Variants in MPZL1 observed in about 807,000 individuals in gnomAD.
The protein encoded by MPZL1 is myelin protein zero-like protein 1.
MPZL1 carries 16 observed loss-of-function variants against 29.3 expected under a neutral mutation model. That is an observed-to-expected ratio of 0.55 (90% CI 0.37 to 0.83). The LOEUF is 0.83. Ranked by LOEUF, MPZL1 falls within the 40% of genes least tolerant of loss-of-function variation. The pLI, the probability that MPZL1 is intolerant of heterozygous loss-of-function variation, is 0.00. For synonymous variants in MPZL1, 143 were observed against 132.0 expected (o/e 1.08, Z -0.57); for missense variants, 279 against 332.9 (o/e 0.84, Z 1.26).
At chr1:167,783,050 C>G (rs373063739) in intron 5 of MPZL1, among the ~76,000 whole-genome samples, 1 of 152,132 alleles carries the variant, frequency 6.6e-6, no homozygotes, top group Non-Finnish European at 1.5e-5. Flanking sequence ...AACTTGATTG[C>G]GAATCTGGTG....
intron 1 of MPZL1, among the ~76,000 whole-genome samples, chr1:167,746,112 C>T (rs1029797653): frequency 5.9e-5 from 9 of 151,894 alleles, no homozygotes; most frequent in African/African-American, 9.7e-5. Flanking sequence ...GATTAGACCA[C>T]GAGTTAGGGG....
At chr1:167,781,305 T>C (rs1419040139) in intron 5 of MPZL1, among the ~76,000 whole-genome samples, 2 of 152,170 alleles carry the variant, frequency 1.3e-5, no homozygotes, top group Non-Finnish European at 2.9e-5. Flanking sequence ...TTCTTACTCT[T>C]TTTAAGTACA....
chr1:167,765,817 A>T lies in MPZL1; in HGVS notation c.258+68A>T, dbSNP rs867392999. On this transcript the variant is annotated intron_variant, in intron 2 of 5. Coordinates refer to ENST00000359523, the MANE Select transcript of MPZL1 (RefSeq NM_003953.6). ...TTTCTTTACTGCTGTATAATTGGTG[A>T]TCCATTTTTCTGATGGTTCATTTCC... 4.0e-5 allele frequency: 56 copies of T among 1,388,856 alleles called. No homozygotes were observed. In the African/African-American group the frequency reaches 6.8e-4, roughly 17 times the overall value. 86.0% of individuals were successfully genotyped at this position (1,388,856 alleles called of 1,614,324 possible).
intron 5 of MPZL1, among the ~76,000 whole-genome samples, chr1:167,777,830 C>T (rs145761009): frequency 0.013 from 1,974 of 152,200 alleles, 18 homozygotes; most frequent in Middle Eastern, 0.02. Flanking sequence ...AATGGTCATA[C>T]CTAAATGGGT....
intron 5 of MPZL1, among the ~76,000 whole-genome samples, chr1:167,784,054 C>G (rs1283754396): frequency 6.6e-6 from 1 of 152,144 alleles, no homozygotes; most frequent in Non-Finnish European, 1.5e-5. Context: ...GACTCCTGAG[C>G]AGTTAATTTG....
intron 1 of MPZL1, among the ~76,000 whole-genome samples, chr1:167,750,397 T>C (rs1258308702): frequency 6.6e-6 from 1 of 152,180 alleles, no homozygotes; most frequent in Non-Finnish European, 1.5e-5. Flanking sequence ...AGACAGGGTT[T>C]CATCATATTG....
chr1:167,744,384 C>A (rs1306886566), intron 1 of MPZL1, among the ~76,000 whole-genome samples: 1 of 151,874 alleles, frequency 6.6e-6, no homozygotes, highest in Non-Finnish European at 1.5e-5. Context: ...TCTAAGTGTT[C>A]TTTAAAAACC....
intron 5 of MPZL1, among the ~76,000 whole-genome samples, chr1:167,785,087 C>G (rs1159830362): frequency 6.6e-6 from 1 of 152,226 alleles, no homozygotes; most frequent in African/African-American, 2.4e-5. Flanking sequence ...GTAACAAACC[C>G]CCCAAAATAT....
At chr1:167,732,197 G>A (rs1296492347) in intron 1 of MPZL1, among the ~76,000 whole-genome samples, 2 of 152,126 alleles carry the variant, frequency 1.3e-5, no homozygotes, top group East Asian at 1.9e-4. Context: ...AAGACTTTTC[G>A]ATTAGCTTGT....
intron 1 of MPZL1, among the ~76,000 whole-genome samples, chr1:167,747,670 T>C (rs978364838): frequency 2.0e-5 from 3 of 152,192 alleles, no homozygotes; most frequent in Non-Finnish European, 4.4e-5. Flanking sequence ...CCAGAGATAT[T>C]TTATGGAGAT....
At chr1:167,766,409 G>A (rs7538269) in intron 2 of MPZL1, among the ~76,000 whole-genome samples, 14,687 of 152,144 alleles carry the variant, frequency 0.097, 764 homozygotes, top group South Asian at 0.15. Flanking sequence ...AAATGGAGAC[G>A]ATAAAACCTC....
rs541258885 is a variant in MPZL1, at chr1:167,791,554, A to T, written c.*3633A>T. 2.0e-5 allele frequency: 3 copies of T among 152,394 alleles called. No individual in the cohort carries two copies. The highest frequency in any genetic ancestry group is 4.1e-4 in the South Asian group (2 of 4,834). 9.4% of individuals were successfully genotyped at this position (152,394 alleles called of 1,614,324 possible). A position where few individuals can be genotyped will look rare whatever the true frequency, so the allele number is the denominator to read the frequency against. ...TAATCTTAATCCCATTGTTTGAAAG[A>T]TTATATGGCTTACCCAGGGCCACTT... On this transcript the variant is annotated 3_prime_UTR_variant, in exon 6 of 6. Transcript: ENST00000359523.
intron 1 of MPZL1, among the ~76,000 whole-genome samples, chr1:167,738,855 C>T (rs563405818): frequency 1.3e-5 from 2 of 152,144 alleles, no homozygotes; most frequent in East Asian, 1.9e-4. Context: ...TGCAGAACCA[C>T]GAGCCAATTA....
intron 1 of MPZL1, among the ~76,000 whole-genome samples, chr1:167,743,140 G>A (rs1660569764): frequency 6.6e-6 from 1 of 151,822 alleles, no homozygotes; most frequent in Non-Finnish European, 1.5e-5. Context: ...CTAGTTCTGT[G>A]AAAACTGATG....
intron 1 of MPZL1, among the ~76,000 whole-genome samples, chr1:167,751,491 GA>G (rs1457018159): frequency 2.0e-5 from 3 of 151,960 alleles, no homozygotes; most frequent in Non-Finnish European, 4.4e-5. Context: ...CCAACATGGT[GA>G]AACCCCATCT....
intron 1 of MPZL1, among the ~76,000 whole-genome samples, chr1:167,731,373 G>A (rs2101748105): frequency 6.6e-6 from 1 of 151,882 alleles, no homozygotes; most frequent in Middle Eastern, 3.5e-3. Context: ...GGGGACAGAG[G>A]TTGCAGTAAG....
At chr1:167,778,300 T>C (rs1428698824) in intron 5 of MPZL1, among the ~76,000 whole-genome samples, 4 of 150,170 alleles carry the variant, frequency 2.7e-5, no homozygotes, top group Non-Finnish European at 1.5e-5. Context: ...CCAGCCTGGG[T>C]GACAGAGTGA....
At chr1:167,741,043 G>C (rs1223583072) in intron 1 of MPZL1, among the ~76,000 whole-genome samples, 1 of 152,210 alleles carries the variant, frequency 6.6e-6, no homozygotes, top group Non-Finnish European at 1.5e-5. Flanking sequence ...TTTTGAGACA[G>C]TCTTGCTCTG....
chr1:167,760,256 G>A (rs776095391), intron 1 of MPZL1, among the ~76,000 whole-genome samples: 2 of 152,184 alleles, frequency 1.3e-5, no homozygotes, highest in Non-Finnish European at 2.9e-5. Context: ...CGCCCAGAGT[G>A]TAGTGGTGTG....
Sources: allele counts gnomAD v4.1 joint callset (sites outside exome capture counted in the v4.1 genomes callset), GRCh38; gene constraint gnomAD v4.1.1; transcripts MANE v1.5; gene names NCBI Gene and HGNC (gene_info 2026-07-23, HGNC 2026-07-21).